The following RIC3 variants were observed in gnomAD, a reference collection of about 807,000 sequenced individuals.
RIC3 encodes RIC3 acetylcholine receptor chaperone.
Under a neutral mutation model 27.3 loss-of-function variants are expected in RIC3, and 28 were observed. The observed-to-expected ratio is 1.02, with a 90% CI of 0.76 to 1.41. The LOEUF is 1.41. Among genes scored for constraint, RIC3 ranks in the 40% most tolerant of loss-of-function variants. The pLI, the probability that RIC3 is intolerant of heterozygous loss-of-function variation, is 0.00. For missense variants in RIC3, 501 were observed against 444.7 expected (o/e 1.13, Z -1.14); for synonymous variants, 184 against 160.4 (o/e 1.15, Z -1.11).
chr11:8,156,288 G>T (rs1328305694), intron 1 of RIC3, among the ~76,000 whole-genome samples: 1 of 152,166 alleles, frequency 6.6e-6, no homozygotes, highest in Non-Finnish European at 1.5e-5. Flanking sequence ...AGAGTGAAGT[G>T]GAATGAGTGC....
At chr11:8,149,328 G>C (rs570622932) in intron 1 of RIC3, among the ~76,000 whole-genome samples, 1 of 152,260 alleles carries the variant, frequency 6.6e-6, no homozygotes, top group East Asian at 1.9e-4. Flanking sequence ...GTGTATATGA[G>C]ATTGAGAACA....
intron 5 of RIC3, among the ~76,000 whole-genome samples, chr11:8,112,653 G>C (rs1183864426): frequency 1.3e-5 from 2 of 152,044 alleles, no homozygotes; most frequent in Non-Finnish European, 2.9e-5. Context: ...TGTATAAAAG[G>C]TTATATCCTG....
chr11:8,115,789 A>C (rs1324533240), intron 5 of RIC3, among the ~76,000 whole-genome samples: 1 of 152,206 alleles, frequency 6.6e-6, no homozygotes, highest in Non-Finnish European at 1.5e-5. Context: ...TATGGATTGG[A>C]AGAATTGATA....
At chr11:8,145,262 G>GA (rs1209644409) in intron 1 of RIC3, among the ~76,000 whole-genome samples, 1 of 151,200 alleles carries the variant, frequency 6.6e-6, no homozygotes, top group African/African-American at 2.4e-5. Flanking sequence ...CTAGAAACTG[G>GA]AAAGCCATCA....
rs557254131 is a variant in RIC3 at position 8,147,885 on chromosome 11, G to A, written c.125-7692C>T. The stretch of plus-strand genomic sequence containing the variant: ...TGGGATTACAGGCATGTGCCACCAC[G>A]CCCAACTAATTTTTGTGTTTTTAGT... On this transcript the variant is annotated intron_variant, in intron 1 of 5. Transcript: ENST00000309737. Among the ~76,000 whole-genome samples the A allele has an allele frequency of 7.2e-5, 11 of 152,044 alleles. No homozygotes were observed. In the East Asian group the frequency reaches 1.2e-3, roughly 16 times the overall value.
chr11:8,160,929 A>G (rs1157512996), intron 1 of RIC3, among the ~76,000 whole-genome samples: 2 of 152,164 alleles, frequency 1.3e-5, no homozygotes, highest in Non-Finnish European at 2.9e-5. Context: ...GTAAACCAAA[A>G]AGTATCTGGG....
At chr11:8,147,752 G>T (rs1312515600) in intron 1 of RIC3, among the ~76,000 whole-genome samples, 1 of 146,418 alleles carries the variant, frequency 6.8e-6, no homozygotes, top group African/African-American at 2.5e-5. Flanking sequence ...TTTTTGAGAG[G>T]GAGTCTTGCT....
intron 4 of RIC3, among the ~76,000 whole-genome samples, chr11:8,136,264 T>C (rs1047898713): frequency 2.6e-5 from 4 of 152,144 alleles, no homozygotes; most frequent in African/African-American, 9.7e-5. Flanking sequence ...AGCGTACTAG[T>C]ACTATAAAGG....
chr11:8,159,820 G>A lies in RIC3; in HGVS notation c.124+9046C>T, dbSNP rs142118022. Among the ~76,000 whole-genome samples, 957 of 152,042 alleles carry A rather than the reference G, an allele frequency of 6.3e-3. 12 individuals are homozygous for A. Among genetic ancestry groups the A allele is most frequent in the African/African-American group, 0.022 (928 of 41,464 alleles). On this transcript the variant is annotated intron_variant, in intron 1 of 5. Transcript: ENST00000309737. ...AGCCTGGCCAACATGGTGAAACTCC[G>A]TCTCTACTAAAAATACAAAAAAAAT...
At chr11:8,139,061 T>G (rs1019829743) in intron 2 of RIC3, 5 of 152,314 alleles carry the variant, frequency 3.3e-5, no homozygotes, top group African/African-American at 1.2e-4. Flanking sequence ...ATGGCCTTGC[T>G]GAGGAAATTA....
At chr11:8,138,196 C>A in intron 3 of RIC3, 76 bp downstream of exon 3, 3 of 1,029,586 alleles carry the variant, frequency 2.9e-6, no homozygotes, top group South Asian at 2.7e-5. Context: ...TTAAGACATA[C>A]CCACAGACTG....
the RIC3 span, among the ~76,000 whole-genome samples, chr11:8,093,832 G>A: frequency 2.0e-5 from 3 of 152,184 alleles, no homozygotes; most frequent in African/African-American, 7.2e-5. Flanking sequence ...ACTGGGCTGG[G>A]GGTGCCGCCT....
At position 8,168,992 on chromosome 11, in the gene RIC3, C is replaced by G. The variant is rs1288928471; in HGVS notation, c.-3G>C. 1.3e-6 allele frequency: 2 copies of G among 1,579,408 alleles called. No individual in the cohort carries two copies. The highest frequency in any genetic ancestry group is 1.7e-6 in the Non-Finnish European group (2 of 1,166,090). ...CTCTGCACTGTGGAGTACGCCATGA[C>G]TGCTCACGGTGGTCGCAGGTGCAGA... On this transcript the variant is annotated 5_prime_UTR_variant, in exon 1 of 6. Transcript: ENST00000309737.
intron 5 of RIC3, among the ~76,000 whole-genome samples, chr11:8,113,677 C>T (rs567543725): frequency 3.3e-5 from 5 of 152,170 alleles, no homozygotes; most frequent in Non-Finnish European, 5.9e-5. Context: ...CTGGGTCTAG[C>T]CCAACCCAGT....
the RIC3 span, among the ~76,000 whole-genome samples, chr11:8,099,074 C>T: frequency 8.5e-5 from 13 of 152,078 alleles, no homozygotes; most frequent in African/African-American, 2.9e-4. Context: ...ACACCACAGC[C>T]GGCCATCTGC....
At position 8,138,337 on chromosome 11, in the gene RIC3, C is replaced by T; in HGVS notation, c.362G>A (p.Gly121Glu). The change falls in exon 3 of 6, where the codon GGG (glycine) becomes GAG (glutamate). Residue 121 changes from glycine to glutamate, a missense_variant. Physicochemically the swap from Gly to Glu is moderately conservative, Grantham distance 98. Transcript: ENST00000309737. ...TTTCCCATCCTCTGCAGTTGTTTTC[C>T]CCTTTGAGAGCTGAGAATTGAAGGA... ...ILYILFKLSK[G>E]KTTAEDGKCY... 1 of 1,612,228 alleles carries T rather than the reference C, an allele frequency of 6.2e-7. No homozygotes were observed. The highest frequency in any genetic ancestry group is 1.1e-5 in the South Asian group (1 of 91,028).
chr11:8,168,460 C>T (rs1423280734), intron 1 of RIC3, among the ~76,000 whole-genome samples: 1 of 152,154 alleles, frequency 6.6e-6, no homozygotes, highest in Non-Finnish European at 1.5e-5. Flanking sequence ...TGATTTCGTA[C>T]CAAGCGGCGC....
chr11:8,158,364 C>A (rs1950864202), intron 1 of RIC3, among the ~76,000 whole-genome samples: 1 of 152,076 alleles, frequency 6.6e-6, no homozygotes, highest in Admixed American at 6.5e-5. Context: ...AGGAAAGATG[C>A]CCAGATACAG....
intron 5 of RIC3, among the ~76,000 whole-genome samples, chr11:8,122,440 T>A (rs913416894): frequency 9.2e-5 from 14 of 152,316 alleles, no homozygotes; most frequent in African/African-American, 2.9e-4. Context: ...TATTGCTAAG[T>A]GTATACCACA....
Sources: gnomAD v4.1 joint callset for allele counts (sites outside exome capture counted in the v4.1 genomes callset) on GRCh38, gnomAD v4.1.1 for gene constraint, MANE v1.5 for transcripts, NCBI Gene and HGNC (gene_info 2026-07-23, HGNC 2026-07-21) for gene names.